The following CCP110 variants were observed in gnomAD, a reference collection of about 807,000 sequenced individuals.
CCP110 encodes the protein centriolar coiled-coil protein of 110 kDa.
CCP110 carries 43 observed loss-of-function variants against 105.5 expected under a neutral mutation model. That is an observed-to-expected ratio of 0.41 (90% CI 0.32 to 0.53). The LOEUF (loss-of-function observed/expected upper bound fraction) is 0.53, where lower values mean the gene tolerates loss of function less well. CCP110 is among the 20% of genes least tolerant of loss of function. The pLI, the probability that CCP110 is intolerant of heterozygous loss-of-function variation, is 0.32. For synonymous variants in CCP110, 353 were observed against 392.1 expected, an observed-to-expected ratio of 0.90 and a Z score of 1.18; for missense variants, 1,016 against 1,189.1, an observed-to-expected ratio of 0.85 and a Z score of 2.14.
intron 7 of CCP110, 39 bp downstream of exon 7, chr16:19,542,799 ATCTTT>A (rs776862986): frequency 9.6e-5 from 152 of 1,577,550 alleles, no homozygotes; most frequent in Non-Finnish European, 1.3e-4. Flanking sequence ...CTATCTATTT[ATCTTT>A]TCTTAAGAGC....
intron 2 of CCP110, among the ~76,000 whole-genome samples, chr16:19,531,083 T>G (rs958109473): frequency 1.3e-5 from 2 of 152,258 alleles, no homozygotes; most frequent in Non-Finnish European, 2.9e-5. Context: ...GTACACATTT[T>G]CTCCTTTTGA....
rs1331328210 is a variant in CCP110, at chr16:19,548,541, T to C, written c.2927T>C (p.Val976Ala). 8 of 1,549,290 alleles carry C rather than the reference T, an allele frequency of 5.2e-6. No homozygotes were observed. Among genetic ancestry groups the C allele is most frequent in the East Asian group, 4.9e-5 (2 of 40,902 alleles). ...ACCCCTAAGACATCAGTGAAGGGGG[T>C]TGTGCAAAATAGACAGAAGCCTTCA... is the stretch of plus-strand genomic sequence containing the variant. Residue 976 changes from valine (V) to alanine (A), a missense_variant, in exon 14 of 15, where the codon GTT (valine) becomes GCT (alanine). Coordinates refer to ENST00000381396, the Ensembl canonical transcript of CCP110. The surrounding 1 kb of genome is among the most constrained non-coding windows in gnomAD (Gnocchi z 4.1).
At position 19,550,183 on chromosome 16, in the gene CCP110, G is replaced by T. The variant is rs1024137517; in HGVS notation, c.2987-1013G>T. ...TTTTTTTTTTTTGAGACAGAGTCTT[G>T]TTCTGTTGCCCAGGCTGGAGTGCAT... is the stretch of plus-strand genomic sequence containing the variant. On this transcript the variant is annotated intron_variant, in intron 14 of 14. Coordinates refer to ENST00000381396, the Ensembl canonical transcript of CCP110. Among the ~76,000 whole-genome samples the T allele has an allele frequency of 1.2e-4, 18 of 148,620 alleles. No homozygotes were observed. The East Asian group carries it at 3.5e-3, about 29-fold the overall frequency.
At chr16:19,546,325 T>A (rs1970456749) in intron 11 of CCP110, 87 bp from the exon 12 acceptor site, 1 of 764,304 alleles carries the variant, frequency 1.3e-6, no homozygotes, top group Non-Finnish European at 2.2e-6. Flanking sequence ...AAATGATGAT[T>A]TGTTTCTGTC....
At position 19,545,218 on chromosome 16, in the gene CCP110, A is replaced by T. The variant is rs1384525062; in HGVS notation, c.2703+8A>T. 3.4e-6 allele frequency: 5 copies of T among 1,484,528 alleles called. No individual in the cohort carries two copies. Among genetic ancestry groups the T allele is most frequent in the Non-Finnish European group, 4.7e-6 (5 of 1,069,280 alleles). The allele number at this position is 1,484,528 out of a possible 1,614,324, so 92.0% of individuals were successfully genotyped here. ...AAAATGCTCAGGCAAATGGTATGTT[A>T]TATGATTTCTAATGAATAGAGTTCT... On this transcript the variant is annotated splice_region_variant and intron_variant, in intron 10 of 14. Transcript: ENST00000381396.
At chr16:19,542,848 T>C (rs1432161037) in intron 7 of CCP110, 30 bp from the exon 8 acceptor site, 1 of 1,524,986 alleles carries the variant, frequency 6.6e-7, no homozygotes, top group South Asian at 1.1e-5. Flanking sequence ...TGAACACCAA[T>C]AAACATTGTG....
exon 5 of CCP110, chr16:19,540,700 A>AGCT (rs1477734679): frequency 3.7e-6 from 6 of 1,613,078 alleles, no homozygotes; most frequent in Non-Finnish European, 5.1e-6. Context: ...CTTTTGAAGA[A>AGCT]ATGCGGAAGA....
chr16:19,528,185 C>T (rs993013870), intron 2 of CCP110, among the ~76,000 whole-genome samples, 163 bp downstream of exon 2: 1 of 152,140 alleles, frequency 6.6e-6, no homozygotes, highest in Non-Finnish European at 1.5e-5. Flanking sequence ...TATAGATTGG[C>T]CAAGACCTAA....
At chr16:19,544,624 AG>A (rs1486069096) in intron 8 of CCP110, among the ~76,000 whole-genome samples, 172 bp from the exon 9 acceptor site, 2 of 152,212 alleles carry the variant, frequency 1.3e-5, no homozygotes, top group Non-Finnish European at 2.9e-5. Flanking sequence ...ATTTTATATA[AG>A]GGACTCCAGC....
intron 2 of CCP110, among the ~76,000 whole-genome samples, chr16:19,531,859 C>T (rs1178278022): frequency 5.9e-5 from 9 of 151,540 alleles, no homozygotes; most frequent in Non-Finnish European, 1.2e-4. Flanking sequence ...CCATCTACTC[C>T]GGAGGCTGAG....
At chr16:19,528,191 C>G (rs774772752) in intron 2 of CCP110, among the ~76,000 whole-genome samples, 169 bp downstream of exon 2, 5 of 152,174 alleles carry the variant, frequency 3.3e-5, no homozygotes, top group Non-Finnish European at 5.9e-5. Context: ...TTGGCCAAGA[C>G]CTAATAGAAC....
intron 12 of CCP110, chr16:19,547,671 G>C (rs1033250788): frequency 4.0e-6 from 1 of 251,246 alleles, no homozygotes; most frequent in African/African-American, 2.2e-5. Context: ...GTTAGCTTTT[G>C]TAAAGCATAT....
rs1597269168 is a variant in CCP110, at chr16:19,540,914, G to A, written c.2049+127G>A. ...TATCTTAAGGTAAGGGAGTCATTTT[G>A]ATACGTGAATGGTATTTTTTGTCAA... On this transcript the variant is annotated intron_variant, in intron 5 of 14. Coordinates refer to ENST00000381396, the Ensembl canonical transcript of CCP110. 1.1e-5 allele frequency: 6 copies of A among 562,118 alleles called. No homozygotes were observed. The East Asian group carries it at 1.9e-4, about 18-fold the overall frequency. 34.8% of individuals were successfully genotyped at this position (562,118 alleles called of 1,614,324 possible). A position where few individuals can be genotyped will look rare whatever the true frequency, so the allele number is the denominator to read the frequency against.
chr16:19,528,607 A>C (rs1001090514), intron 2 of CCP110, among the ~76,000 whole-genome samples: 2 of 152,082 alleles, frequency 1.3e-5, no homozygotes, highest in African/African-American at 2.4e-5. Context: ...AGAGGTCCAG[A>C]CTCTGGGCCA....
intron 12 of CCP110, 91 bp from the exon 13 acceptor site, chr16:19,547,864 C>T: frequency 1.1e-6 from 1 of 894,680 alleles, no homozygotes; most frequent in Non-Finnish European, 1.9e-6. Context: ...TGACCTTTAC[C>T]TTACAGTCAT....
At chr16:19,540,692 T>C (rs767894263) in exon 5 of CCP110, 5 of 1,613,292 alleles carry the variant, frequency 3.1e-6, no homozygotes, top group Non-Finnish European at 4.2e-6. Context: ...GATGTTAGCT[T>C]TTGAAGAAAT....
At chr16:19,536,659 C>T (rs1206968996) in exon 4 of CCP110, 13 of 1,613,986 alleles carry the variant, frequency 8.1e-6, no homozygotes, top group Non-Finnish European at 1.1e-5. Flanking sequence ...TACGAACTGG[C>T]CATCCCACTG....
chr16:19,537,243 T>C (rs1970103844), exon 4 of CCP110: 2 of 1,614,136 alleles, frequency 1.2e-6, no homozygotes, highest in East Asian at 4.5e-5. Flanking sequence ...GTGAGTGGAC[T>C]CAAGCCAGCC....
chr16:19,541,358 C>T (rs945798492), intron 5 of CCP110, among the ~76,000 whole-genome samples: 4 of 151,926 alleles, frequency 2.6e-5, no homozygotes, highest in South Asian at 2.1e-4. Context: ...ATAGCCTGGG[C>T]GTGGTGGCTC....
Sources: gnomAD v4.1 joint callset for allele counts (sites outside exome capture counted in the v4.1 genomes callset) on GRCh38, gnomAD v4.1.1 for gene constraint, Gnocchi (gnomAD v3.1) non-coding constraint, MANE v1.5 for transcripts, NCBI Gene and HGNC (gene_info 2026-07-23, HGNC 2026-07-21) for gene names.